Variants in ZFHX3 observed in about 807,000 individuals in gnomAD.
ZFHX3 encodes zinc finger homeobox 3.
Under a neutral mutation model 279.1 loss-of-function variants are expected in ZFHX3, and 42 were observed. The ratio of observed to expected loss-of-function variants is 0.15; its 90% CI spans 0.12 to 0.19. The LOEUF (loss-of-function observed/expected upper bound fraction) is 0.19, where lower values mean the gene tolerates loss of function less well. Among genes scored for constraint, ZFHX3 ranks in the 10% least tolerant of loss-of-function variants. ZFHX3 has a pLI of 1.00. For missense variants in ZFHX3, 4,981 were observed against 4,754.0 expected (o/e 1.05, Z -1.40); for synonymous variants, 2,293 against 1,957.8 (o/e 1.17, Z -4.52).
intron 2 of ZFHX3, among the ~76,000 whole-genome samples, chr16:72,956,281 T>C (rs925675623): frequency 1.3e-5 from 2 of 152,238 alleles, no homozygotes; most frequent in African/African-American, 4.8e-5. Flanking sequence ...TGACACTCTG[T>C]TGCCAAGAAC....
intron 3 of ZFHX3, among the ~76,000 whole-genome samples, chr16:73,416,174 G>T (rs2017577381): frequency 6.7e-6 from 1 of 150,166 alleles, no homozygotes; most frequent in South Asian, 2.1e-4. Context: ...AAAACAGAGA[G>T]AAAACAGAAG....
intron 2 of ZFHX3, among the ~76,000 whole-genome samples, chr16:73,550,563 C>G (rs780426491): frequency 1.3e-5 from 2 of 152,196 alleles, no homozygotes; most frequent in Admixed American, 6.5e-5. Context: ...AACAAGCCAC[C>G]GTGATCCTTC....
chr16:72,908,029 G>A (rs550769254), intron 3 of ZFHX3, among the ~76,000 whole-genome samples: 18 of 152,082 alleles, frequency 1.2e-4, no homozygotes, highest in Admixed American at 7.2e-4. Flanking sequence ...CTCACCTCCC[G>A]CCCTTTTTCT....
chr16:73,682,924 G>GAA (rs766109523), intron 1 of ZFHX3, among the ~76,000 whole-genome samples: 3,066 of 42,686 alleles, frequency 0.072, 134 homozygotes, highest in Non-Finnish European at 0.078. Context: ...AAGAGAGAAA[G>GAA]AGAAAGAAAG....
chr16:73,325,558 G>A (rs376848577), intron 3 of ZFHX3, among the ~76,000 whole-genome samples: 1 of 152,094 alleles, frequency 6.6e-6, no homozygotes, highest in Admixed American at 6.6e-5. Flanking sequence ...TTGCTTCAAG[G>A]TAGGTGCGAA....
chr16:73,170,946 C>T (rs1967506770), intron 5 of ZFHX3, among the ~76,000 whole-genome samples: 1 of 152,076 alleles, frequency 6.6e-6, no homozygotes, highest in South Asian at 2.1e-4. Flanking sequence ...AATCCAGAGC[C>T]GACAATGTCT....
intron 2 of ZFHX3, among the ~76,000 whole-genome samples, chr16:73,593,062 G>T (rs2052015456): frequency 6.6e-6 from 1 of 151,934 alleles, no homozygotes. Context: ...TACCAAAAAT[G>T]GTCCAAAAAG....
At chr16:73,598,903 C>T (rs1000065446) in intron 2 of ZFHX3, among the ~76,000 whole-genome samples, 16 of 152,320 alleles carry the variant, frequency 1.1e-4, no homozygotes, top group African/African-American at 3.8e-4. Context: ...GCTGGGATTA[C>T]AGGAGCCTGC....
intron 5 of ZFHX3, among the ~76,000 whole-genome samples, chr16:73,243,882 A>T (rs1597239149): frequency 6.6e-6 from 1 of 152,332 alleles, no homozygotes; most frequent in East Asian, 1.9e-4. Context: ...AATGTTTTCT[A>T]AGAAGCTGGA....
chr16:72,797,443 G>T lies in ZFHX3; in HGVS notation c.5239C>A (p.Gln1747Lys). 3 of 1,613,636 alleles carry T rather than the reference G, an allele frequency of 1.9e-6. No individual in the cohort carries two copies. Among genetic ancestry groups the T allele is most frequent in the Non-Finnish European group, 2.5e-6 (3 of 1,179,826 alleles). Residue 1747 changes from glutamine to lysine, a missense_variant, in exon 9 of 10, where the codon CAG becomes AAG. Physicochemically the swap from Gln to Lys is moderately conservative, Grantham distance 53. Around this residue, in one of 7 missense-constraint regions of ZFHX3, gnomAD observed 1,751 missense variants for 1,770.0 expected, o/e 0.99. Coordinates refer to ENST00000268489, the MANE Select transcript of ZFHX3 (RefSeq NM_006885.4). ...QQQQQAQTLA[Q>K]AQAQVQAHLQ... is the part of the protein sequence containing the mutation. ...TGAGCTTGAACTTGAGCCTGGGCCT[G>T]GGCCAGCGTTTGTGCTTGTTGTTGT...
chr16:73,793,603 T>C (rs1010799146), intron 1 of ZFHX3, among the ~76,000 whole-genome samples: 1 of 152,232 alleles, frequency 6.6e-6, no homozygotes, highest in Non-Finnish European at 1.5e-5. Flanking sequence ...ACTATTTGAC[T>C]GTGTGATTCT....
intron 2 of ZFHX3, among the ~76,000 whole-genome samples, chr16:73,508,601 G>T (rs947397056): frequency 6.6e-6 from 1 of 152,190 alleles, no homozygotes; most frequent in South Asian, 2.1e-4. Context: ...AATAGTGGGA[G>T]CTGAACTTTG....
rs376709821 is a variant in ZFHX3, at chr16:73,172,931, G to GTTTTTT, written c.-1103-29106_-1103-29101dup. 6.9e-4 allele frequency among the ~76,000 whole-genome samples: 67 copies of GTTTTTT among 97,120 alleles called. 1 individual carries two copies. The highest frequency in any genetic ancestry group is 9.7e-4 in the Non-Finnish European group (50 of 51,424). The allele number at this position is 97,120 out of a possible 152,430, so 63.7% of individuals were successfully genotyped here. A position where few individuals can be genotyped will look rare whatever the true frequency, so the allele number is the denominator to read the frequency against. ...ATTTCTCATGGTGGGGCTGCCTGTG[G>GTTTTTT]TTTTTTTTTTTTTTTTTCTTTCTTT... On this transcript the variant is annotated intron_variant, in intron 5 of 17. Transcript: ENST00000641206.
At chr16:72,818,077 A>G (rs924863773) in intron 5 of ZFHX3, among the ~76,000 whole-genome samples, 2 of 152,186 alleles carry the variant, frequency 1.3e-5, no homozygotes, top group Non-Finnish European at 2.9e-5. Flanking sequence ...TCCGTTGACT[A>G]GCGAAAAAAG....
chr16:73,799,450 T>A (rs910594924), intron 1 of ZFHX3, among the ~76,000 whole-genome samples: 1 of 152,100 alleles, frequency 6.6e-6, no homozygotes, highest in Non-Finnish European at 1.5e-5. Flanking sequence ...GCAGGTTTCT[T>A]TGGCCTTCCC....
At chr16:73,305,018 CTCTT>C (rs2015147400) in intron 4 of ZFHX3, among the ~76,000 whole-genome samples, 1 of 152,068 alleles carries the variant, frequency 6.6e-6, no homozygotes, top group Non-Finnish European at 1.5e-5. Flanking sequence ...ACTGTCAGAT[CTCTT>C]TACCCCCTTG....
intron 1 of ZFHX3, among the ~76,000 whole-genome samples, chr16:73,707,781 A>G (rs2053319425): frequency 6.6e-6 from 1 of 152,018 alleles, no homozygotes. Flanking sequence ...AAACAAAACT[A>G]CATGCCATTT....
chr16:73,548,815 G>A (rs1391815338), intron 2 of ZFHX3, among the ~76,000 whole-genome samples: 1 of 152,078 alleles, frequency 6.6e-6, no homozygotes, highest in African/African-American at 2.4e-5. Flanking sequence ...AAACAAATTA[G>A]ACATCAAATG....
chr16:73,001,483 T>C (rs1355473553), intron 1 of ZFHX3, among the ~76,000 whole-genome samples: 2 of 152,026 alleles, frequency 1.3e-5, no homozygotes, highest in Admixed American at 6.6e-5. Flanking sequence ...GATGCAGCAA[T>C]AGATAACAAT....
Sources: gnomAD v4.1 joint callset for allele counts (sites outside exome capture counted in the v4.1 genomes callset) on GRCh38, gnomAD v4.1.1 for gene constraint, gnomAD v4.1.1 regional missense constraint, MANE v1.5 for transcripts, NCBI Gene and HGNC (gene_info 2026-07-23, HGNC 2026-07-21) for gene names.